The following ARHGAP40 variants were observed in gnomAD, a reference collection of about 807,000 sequenced individuals.
ARHGAP40 encodes the protein Rho GTPase activating protein 40, also known as rho GTPase-activating protein 40.
ARHGAP40 carries 43 observed loss-of-function variants against 73.5 expected under a neutral mutation model. That is an observed-to-expected ratio of 0.58 (90% CI 0.46 to 0.75). ARHGAP40 has a LOEUF of 0.75. Among genes scored for constraint, ARHGAP40 ranks in the 30% least tolerant of loss-of-function variants. The pLI, the probability that ARHGAP40 is intolerant of heterozygous loss-of-function variation, is 0.00. For synonymous variants in ARHGAP40, 300 were observed against 352.8 expected (o/e 0.85, Z 1.68); for missense variants, 734 against 861.8 (o/e 0.85, Z 1.86).
chr20:38,639,518 T>A (rs138059252), intron 9 of ARHGAP40, 132 bp downstream of exon 9: 17 of 1,079,264 alleles, frequency 1.6e-5, no homozygotes, highest in Non-Finnish European at 2.1e-5. Context: ...GTCCAACTGA[T>A]GGGGGAAGAA....
At chr20:38,650,333 T>C (rs1568613821) in exon 15 of ARHGAP40, 2 of 471,022 alleles carry the variant, frequency 4.2e-6, no homozygotes, top group Middle Eastern at 3.2e-4. Context: ...TGGGGTCTTT[T>C]CCCCCCAGGC....
intron 5 of ARHGAP40, among the ~76,000 whole-genome samples, chr20:38,631,304 TAAAAAA>T (rs35575772): frequency 3.4e-5 from 3 of 87,570 alleles, no homozygotes; most frequent in Non-Finnish European, 6.7e-5. Flanking sequence ...GAGCAAGACC[TAAAAAA>T]AAAAAAAAAA....
intron 14 of ARHGAP40, among the ~76,000 whole-genome samples, chr20:38,649,427 C>T (rs2089073808): frequency 6.6e-6 from 1 of 152,160 alleles, no homozygotes; most frequent in African/African-American, 2.4e-5. Context: ...GTGTTCGCAT[C>T]CTGGAGCTTG....
intron 1 of ARHGAP40, among the ~76,000 whole-genome samples, chr20:38,607,653 G>T (rs1026263027): frequency 1.8e-4 from 27 of 152,118 alleles, no homozygotes; most frequent in African/African-American, 6.5e-4. Context: ...TGTGGAGGCC[G>T]CTTCTCCACC....
intron 8 of ARHGAP40, 40 bp from the exon 9 acceptor site, chr20:38,639,187 C>A (rs759371323): frequency 1.5e-6 from 2 of 1,301,550 alleles, no homozygotes; most frequent in Non-Finnish European, 2.0e-6. Context: ...TCTACCAGAG[C>A]CCTGGGCCAA....
intron 5 of ARHGAP40, among the ~76,000 whole-genome samples, chr20:38,630,060 TTTTCTTTCTTTC>T (rs371088762): frequency 3.1e-4 from 44 of 140,534 alleles, no homozygotes; most frequent in African/African-American, 9.0e-4. Context: ...CCTCCTTCTT[TTTTCTTTCTTTC>T]TTTCTTTCTT....
intron 1 of ARHGAP40, among the ~76,000 whole-genome samples, chr20:38,612,545 G>A (rs1158001532): frequency 6.6e-6 from 1 of 152,068 alleles, no homozygotes; most frequent in African/African-American, 2.4e-5. Context: ...ATGGTGGAAG[G>A]TGCCTGTAAT....
chr20:38,630,785 C>G (rs1047840953), intron 5 of ARHGAP40, among the ~76,000 whole-genome samples: 1 of 152,090 alleles, frequency 6.6e-6, no homozygotes, highest in African/African-American at 2.4e-5. Context: ...GCCCGCATGC[C>G]CTTCCCAGGT....
At chr20:38,628,931 T>C (rs2088919805) in exon 4 of ARHGAP40, 1 of 1,304,366 alleles carries the variant, frequency 7.7e-7, no homozygotes, top group Non-Finnish European at 1.0e-6. Flanking sequence ...GCATAGAAAA[T>C]GTCGTCAGAG....
intron 1 of ARHGAP40, among the ~76,000 whole-genome samples, chr20:38,620,917 A>T (rs2088870318): frequency 6.6e-6 from 1 of 152,272 alleles, no homozygotes; most frequent in East Asian, 1.9e-4. Flanking sequence ...AAATCCTGGC[A>T]GGAAAGGCCA....
At chr20:38,643,766 G>A (rs1197518638) in exon 11 of ARHGAP40, 3 of 1,305,914 alleles carry the variant, frequency 2.3e-6, no homozygotes, top group Non-Finnish European at 2.0e-6. Context: ...TGACTCTGAG[G>A]AATGTTTCCA....
intron 1 of ARHGAP40, among the ~76,000 whole-genome samples, chr20:38,621,511 G>A (rs1398569317): frequency 6.6e-6 from 1 of 152,162 alleles, no homozygotes; most frequent in African/African-American, 2.4e-5. Flanking sequence ...GCTGGTGGAG[G>A]ACTTGAGTTC....
intron 7 of ARHGAP40, 111 bp from the exon 8 acceptor site, chr20:38,638,650 C>A: frequency 2.7e-6 from 2 of 728,064 alleles, no homozygotes; most frequent in Non-Finnish European, 4.2e-6. Flanking sequence ...CCGAAGGAAA[C>A]CCTTCTCCTG....
exon 11 of ARHGAP40, chr20:38,643,838 G>A (rs1297017409): frequency 2.3e-6 from 3 of 1,305,352 alleles, no homozygotes; most frequent in Non-Finnish European, 3.0e-6. Flanking sequence ...CCAAAGGCAA[G>A]GAGAAGCAGC....
intron 11 of ARHGAP40, among the ~76,000 whole-genome samples, chr20:38,644,213 T>G (rs2089038010): frequency 6.6e-6 from 1 of 152,104 alleles, no homozygotes; most frequent in African/African-American, 2.4e-5. Flanking sequence ...TTTATGCTGC[T>G]GAGAAAGCCC....
chr20:38,615,525 A>C lies in ARHGAP40; in HGVS notation c.138-7834A>C, dbSNP rs1157467218. ...GCCTCACAGTCTCCTTGGGCCCTTCAGTGTCCCGGAGGAGGTGCCGCAGCC... is the reference window on the plus strand; with the variant it reads ...GCCTCACAGTCTCCTTGGGCCCTTCCGTGTCCCGGAGGAGGTGCCGCAGCC... On this transcript the variant is annotated intron_variant, in intron 1 of 14. Coordinates refer to ENST00000373345, the Ensembl canonical transcript of ARHGAP40. 4 of 624,838 alleles carry C rather than the reference A, an allele frequency of 6.4e-6. No individual in the cohort carries two copies. In the East Asian group the frequency reaches 1.3e-4, roughly 21 times the overall value. 38.7% of individuals were successfully genotyped at this position (624,838 alleles called of 1,614,324 possible). A position where few individuals can be genotyped will look rare whatever the true frequency, so the allele number is the denominator to read the frequency against.
intron 1 of ARHGAP40, among the ~76,000 whole-genome samples, chr20:38,613,687 G>A (rs2088817067): frequency 6.6e-6 from 1 of 152,218 alleles, no homozygotes; most frequent in Non-Finnish European, 1.5e-5. Flanking sequence ...AACAGCTAAA[G>A]GGGGCACCCA....
chr20:38,631,817 CT>C (rs1408234984), intron 5 of ARHGAP40, among the ~76,000 whole-genome samples: 1 of 152,134 alleles, frequency 6.6e-6, no homozygotes, highest in Non-Finnish European at 1.5e-5. Flanking sequence ...TGTGAGAGTA[CT>C]TTCACTCATT....
chr20:38,646,461 C>T lies in ARHGAP40; in HGVS notation c.1710+274C>T, dbSNP rs1333461987. 6.6e-6 allele frequency among the ~76,000 whole-genome samples: 1 copy of T among 152,086 alleles called. No homozygotes were observed. The highest frequency in any genetic ancestry group is 1.5e-5 in the Non-Finnish European group (1 of 68,020). On this transcript the variant is annotated intron_variant, in intron 12 of 14. Coordinates refer to ENST00000373345, the Ensembl canonical transcript of ARHGAP40. This position sits in a 1 kb window ranked among gnomAD's most constrained non-coding sequence, Gnocchi z 4.5. ...GCCCCATTTTTCGGCAGCCCCTGGC[C>T]GAGGGTTGGGAAAATGGGAGTCGCT...
Sources: allele counts gnomAD v4.1 joint callset (sites outside exome capture counted in the v4.1 genomes callset), GRCh38; gene constraint gnomAD v4.1.1; non-coding constraint Gnocchi (gnomAD v3.1); transcripts MANE v1.5; gene names NCBI Gene and HGNC (gene_info 2026-07-23, HGNC 2026-07-21).